The following TEKT1 variants were observed in gnomAD, a reference collection of about 807,000 sequenced individuals.
TEKT1 encodes tektin 1.
TEKT1 carries 32 observed loss-of-function variants against 34.8 expected under a neutral mutation model. The ratio of observed to expected loss-of-function variants is 0.92; its 90% CI spans 0.69 to 1.23. The LOEUF (loss-of-function observed/expected upper bound fraction) is 1.23. Among genes scored for constraint, TEKT1 ranks in the 50% most tolerant of loss-of-function variants. TEKT1 has a pLI of 0.00. For missense variants in TEKT1, 492 were observed against 518.5 expected, an observed-to-expected ratio of 0.95 and a Z score of 0.50; for synonymous variants, 207 against 199.8, an observed-to-expected ratio of 1.04 and a Z score of -0.30.
chr17:6,813,946 TTC>T (rs71157224), intron 5 of TEKT1, among the ~76,000 whole-genome samples: 11,795 of 145,616 alleles, frequency 0.081, 710 homozygotes, highest in African/African-American at 0.18. Flanking sequence ...CTGTCATCCG[TTC>T]TCTCTCTCTC....
chr17:6,815,907 T>C lies in TEKT1; in HGVS notation c.412A>G (p.Lys138Glu), dbSNP rs1976999281. ...ATGCCCTGGATGATCTCAGCCTCCT[T>C]TATCAGCTCATGCTCCACTGTGTCG... is the stretch of plus-strand genomic sequence containing the variant. The part of the protein sequence containing the change: ...VHDTVEHELI[K>E]EAEIIQGIMA... The change falls in exon 4 of 8, where the codon AAG (lysine) becomes GAG (glutamate). Residue 138 changes from lysine to glutamate, a missense_variant. By Grantham distance (56) the Lys-to-Glu change is moderately conservative (BLOSUM62 1). Coordinates refer to ENST00000338694, the MANE Select transcript of TEKT1 (RefSeq NM_053285.2). 1 of 1,614,166 alleles carries C rather than the reference T, an allele frequency of 6.2e-7. No individual in the cohort carries two copies. Among genetic ancestry groups the C allele is most frequent in the Non-Finnish European group, 8.5e-7 (1 of 1,180,022 alleles).
chr17:6,818,748 T>C (rs370783882), intron 3 of TEKT1, among the ~76,000 whole-genome samples: 15 of 152,156 alleles, frequency 9.9e-5, no homozygotes, highest in African/African-American at 3.4e-4. Context: ...TGGCTGGAGC[T>C]CCAGCTGCCA....
In TEKT1 at chr17:6,813,067, C is replaced by A; in HGVS notation, c.630-14G>T. ...AGACTCACGGAGCTGAAACAGACCTCACGCTTTCATTCACAGCATATTTGG... is the reference window on the plus strand; with the variant it reads ...AGACTCACGGAGCTGAAACAGACCTAACGCTTTCATTCACAGCATATTTGG... On this transcript the variant is annotated splice_polypyrimidine_tract_variant and intron_variant, in intron 5 of 7. Transcript: ENST00000338694. 6.2e-7 allele frequency: 1 copy of A among 1,606,834 alleles called. No homozygotes were observed. The highest frequency in any genetic ancestry group is 8.5e-7 in the Non-Finnish European group (1 of 1,175,612).
In TEKT1 at chr17:6,811,593, G is replaced by A. The variant is rs769598737; in HGVS notation, c.852+1238C>T. 5.9e-5 allele frequency among the ~76,000 whole-genome samples: 9 copies of A among 152,100 alleles called. No individual in the cohort carries two copies. Among genetic ancestry groups the A allele is most frequent in the Non-Finnish European group, 1.0e-4 (7 of 68,032 alleles). ...TGAATATTGCAGTTTCACCCTCGAT[G>A]ATACTCTGGTTTCTCCAGCACATCA... is the stretch of plus-strand genomic sequence containing the variant. On this transcript the variant is annotated intron_variant, in intron 6 of 7. Transcript: ENST00000338694. The surrounding 1 kb of genome is among the most constrained non-coding windows in gnomAD (Gnocchi z 4.4).
At chr17:6,824,549 C>A (rs1314048810) in intron 2 of TEKT1, among the ~76,000 whole-genome samples, 3 of 152,176 alleles carry the variant, frequency 2.0e-5, no homozygotes, top group African/African-American at 7.2e-5. Context: ...ATTCATAAAT[C>A]CAACATACAT....
At chr17:6,824,372 T>C (rs1904337553) in intron 2 of TEKT1, among the ~76,000 whole-genome samples, 1 of 152,146 alleles carries the variant, frequency 6.6e-6, no homozygotes, top group African/African-American at 2.4e-5. Context: ...AAGGTCTTCC[T>C]CAGGCTTGGC....
At chr17:6,813,152 T>G in intron 5 of TEKT1, 99 bp from the exon 6 acceptor site, 3 of 979,858 alleles carry the variant, frequency 3.1e-6, no homozygotes, top group Admixed American at 2.3e-5. Flanking sequence ...AAGAACCACC[T>G]AGAATGTTAC....
intron 2 of TEKT1, among the ~76,000 whole-genome samples, chr17:6,827,257 AT>A (rs34162124): frequency 0.26 from 32,765 of 124,100 alleles, 3,809 homozygotes; most frequent in African/African-American, 0.41. Context: ...AGTTGTGCCA[AT>A]TTTTTTTTTT....
intron 1 of TEKT1, among the ~76,000 whole-genome samples, chr17:6,830,750 A>G (rs542766989): frequency 1.3e-5 from 2 of 152,246 alleles, no homozygotes; most frequent in African/African-American, 4.8e-5. Flanking sequence ...CATATTGTCT[A>G]TATGATTGCA....
chr17:6,811,902 C>T lies in TEKT1; in HGVS notation c.852+929G>A, dbSNP rs894328666. 2.0e-5 allele frequency among the ~76,000 whole-genome samples: 3 copies of T among 152,040 alleles called. No homozygotes were observed. The highest frequency in any genetic ancestry group is 2.1e-4 in the South Asian group (1 of 4,812). On this transcript the variant is annotated intron_variant, in intron 6 of 7. Coordinates refer to ENST00000338694, the MANE Select transcript of TEKT1 (RefSeq NM_053285.2). The surrounding 1 kb of genome is among the most constrained non-coding windows in gnomAD (Gnocchi z 4.4). ...AAGGACCCTAATCTGTAGAATTTGC[C>T]GATATCTGTGGTACAAATGCTCCCA... is the stretch of plus-strand genomic sequence containing the variant.
chr17:6,814,088 T>C (rs1976969251), intron 5 of TEKT1, among the ~76,000 whole-genome samples: 1 of 152,002 alleles, frequency 6.6e-6, no homozygotes, highest in South Asian at 2.1e-4. Flanking sequence ...AGCTTGGAAT[T>C]GGACCCCACC....
Position 6,800,347 on chromosome 17 carries a change from C to G in TEKT1, c.1050-113G>C, listed in dbSNP as rs903737839. On this transcript the variant is annotated intron_variant, in intron 7 of 7. Transcript: ENST00000338694. ...GGAGCCAAATTGATATGTGCTCTTC[C>G]CCTTCCTCTCTCCTCATGAAGACAG... The G allele has an allele frequency of 3.8e-6, 3 of 786,926 alleles. No homozygotes were observed. In the African/African-American group the frequency reaches 5.2e-5, roughly 14 times the overall value. 48.7% of individuals were successfully genotyped at this position (786,926 alleles called of 1,614,324 possible).
intron 2 of TEKT1, among the ~76,000 whole-genome samples, chr17:6,826,625 TAGATA>T (rs983958631): frequency 1.3e-3 from 75 of 58,982 alleles, no homozygotes; most frequent in Middle Eastern, 7.2e-3. Flanking sequence ...TGCAGATAGA[TAGATA>T]GATAGATAGA....
intron 2 of TEKT1, among the ~76,000 whole-genome samples, chr17:6,827,206 A>G (rs1471376963): frequency 6.6e-6 from 1 of 150,816 alleles, no homozygotes; most frequent in Non-Finnish European, 1.5e-5. Flanking sequence ...AGCTCTCAGT[A>G]CCTACGGTAG....
intron 2 of TEKT1, among the ~76,000 whole-genome samples, chr17:6,821,986 TAAGTAACAAGAAGCCGAATGCTAATTG>T (rs1791146320): frequency 6.9e-6 from 1 of 145,154 alleles, no homozygotes; most frequent in African/African-American, 2.8e-5. Flanking sequence ...GAAATTTGCA[TAAGTAACAAGAAGCCGAATGCTAATTG>T]CCAAGACAAT....
intron 2 of TEKT1, among the ~76,000 whole-genome samples, chr17:6,819,777 T>TCC (rs1977060515): frequency 6.6e-6 from 1 of 152,188 alleles, no homozygotes; most frequent in Non-Finnish European, 1.5e-5. Flanking sequence ...AAGCTCTGCC[T>TCC]CCCAGGTTCA....
chr17:6,802,121 T>C lies in TEKT1; in HGVS notation c.853-1178A>G, dbSNP rs529910726. ...CTTATTCTTTAACATTATAATAATA[T>C]TTAGTGATCACATTTCACCAATTGT... On this transcript the variant is annotated intron_variant, in intron 6 of 7. Coordinates refer to ENST00000338694, the MANE Select transcript of TEKT1 (RefSeq NM_053285.2). Among the ~76,000 whole-genome samples the C allele has an allele frequency of 1.1e-4, 16 of 152,338 alleles. No homozygotes were observed. In the South Asian group the frequency reaches 3.3e-3, roughly 32 times the overall value.
At chr17:6,827,647 C>A (rs920960230) in intron 2 of TEKT1, among the ~76,000 whole-genome samples, 3 of 152,156 alleles carry the variant, frequency 2.0e-5, no homozygotes, top group Non-Finnish European at 2.9e-5. Context: ...CTGAGATTTT[C>A]ATTGGCATTG....
chr17:6,815,781 C>A (rs912271373), intron 4 of TEKT1, 53 bp downstream of exon 4: 65 of 1,607,402 alleles, frequency 4.0e-5, no homozygotes, highest in Non-Finnish European at 5.4e-5. Flanking sequence ...GTGGACACTG[C>A]CTTTTCTCAA....
Sources: allele counts gnomAD v4.1 joint callset (sites outside exome capture counted in the v4.1 genomes callset), GRCh38; gene constraint gnomAD v4.1.1; non-coding constraint Gnocchi (gnomAD v3.1); transcripts MANE v1.5; gene names NCBI Gene and HGNC (gene_info 2026-07-23, HGNC 2026-07-21).